NRG3: variants seen among roughly 807,000 people sequenced by gnomAD.
The protein encoded by NRG3 is neuregulin 3.
NRG3 carries 31 observed loss-of-function variants against 66.9 expected under a neutral mutation model. The observed-to-expected ratio is 0.46, with a 90% CI of 0.35 to 0.63. The LOEUF (loss-of-function observed/expected upper bound fraction) is 0.63. Among genes scored for constraint, NRG3 ranks in the 20% least tolerant of loss-of-function variants. NRG3 has a pLI of 0.00. For missense variants in NRG3, 910 were observed against 878.9 expected (o/e 1.04, Z -0.45); for synonymous variants, 393 against 359.4 (o/e 1.09, Z -1.06).
At chr10:82,425,757 T>C (rs1427128626) in intron 2 of NRG3, among the ~76,000 whole-genome samples, 2 of 152,180 alleles carry the variant, frequency 1.3e-5, no homozygotes, top group Non-Finnish European at 2.9e-5. Flanking sequence ...GTAGTTATGA[T>C]TTCAGACACT....
intron 3 of NRG3, among the ~76,000 whole-genome samples, chr10:82,864,605 C>A (rs1381609633): frequency 1.3e-5 from 2 of 152,118 alleles, no homozygotes; most frequent in African/African-American, 4.8e-5. Context: ...AAAAAAAGAA[C>A]CATTTAAATA....
At chr10:82,946,702 T>C (rs1790342573) in intron 4 of NRG3, among the ~76,000 whole-genome samples, 1 of 152,078 alleles carries the variant, frequency 6.6e-6, no homozygotes, top group South Asian at 2.1e-4. Context: ...GTATTATAAG[T>C]CAAATAGGAA....
intron 2 of NRG3, among the ~76,000 whole-genome samples, chr10:82,461,838 T>C (rs2091530694): frequency 6.6e-6 from 1 of 152,132 alleles, no homozygotes; most frequent in South Asian, 2.1e-4. Flanking sequence ...TATAAAAATA[T>C]TTTCATATTA....
chr10:82,390,455 G>A (rs906781605), intron 2 of NRG3, among the ~76,000 whole-genome samples: 1 of 152,098 alleles, frequency 6.6e-6, no homozygotes, highest in African/African-American at 2.4e-5. Flanking sequence ...TGAGGAAGAA[G>A]TATATTCTTT....
chr10:82,420,909 T>C (rs1373723330), intron 2 of NRG3, among the ~76,000 whole-genome samples: 2 of 152,152 alleles, frequency 1.3e-5, no homozygotes, highest in Non-Finnish European at 1.5e-5. Context: ...TTAAATACTT[T>C]GTAATTCCAT....
At position 82,508,232 on chromosome 10, in the gene NRG3, T is replaced by C. The variant is rs80155036; in HGVS notation, c.953+149364T>C. On this transcript the variant is annotated intron_variant, in intron 2 of 8. Coordinates refer to ENST00000372141, the MANE Select transcript of NRG3 (RefSeq NM_001010848.4). ...TCTGGCATGGAATGCATTGTTTTCA[T>C]ACATGCGTTTAGAACAGAAACTCAG... Among the ~76,000 whole-genome samples, 424 of 152,328 alleles carry C rather than the reference T, an allele frequency of 2.8e-3. 3 individuals are homozygous for C. Among genetic ancestry groups the C allele is most frequent in the African/African-American group, 9.5e-3 (394 of 41,578 alleles).
intron 1 of NRG3, among the ~76,000 whole-genome samples, chr10:82,300,743 G>A (rs1005366069): frequency 6.6e-6 from 1 of 152,054 alleles, no homozygotes; most frequent in Non-Finnish European, 1.5e-5. Context: ...ATTCCCAGTA[G>A]GTAGATTATG....
chr10:81,878,187 T>G, intron 1 of NRG3: 1 of 1,165,000 alleles, frequency 8.6e-7, no homozygotes, highest in South Asian at 1.7e-5. Context: ...GACAGGGCCC[T>G]CAGCCCCAAG....
intron 1 of NRG3, among the ~76,000 whole-genome samples, chr10:81,938,378 TTG>T (rs199882196): frequency 7.9e-6 from 1 of 126,364 alleles, no homozygotes; most frequent in Non-Finnish European, 1.6e-5. Context: ...TGCCATTTAT[TTG>T]TGTGTGTGTG....
At chr10:82,042,116 A>C (rs2063070339) in intron 1 of NRG3, among the ~76,000 whole-genome samples, 1 of 152,016 alleles carries the variant, frequency 6.6e-6, no homozygotes, top group African/African-American at 2.4e-5. Context: ...CCCCATCCAA[A>C]ATAATCTCAG....
chr10:82,235,564 C>T (rs559444849), intron 1 of NRG3, among the ~76,000 whole-genome samples: 2 of 152,224 alleles, frequency 1.3e-5, no homozygotes, highest in African/African-American at 4.8e-5. Context: ...AGTAATCTCC[C>T]ACTGCTCTTA....
At chr10:82,181,947 T>C (rs918493295) in intron 1 of NRG3, among the ~76,000 whole-genome samples, 4 of 151,838 alleles carry the variant, frequency 2.6e-5, no homozygotes, top group Admixed American at 1.3e-4. Context: ...ATTGTATACA[T>C]ATGTATTTAT....
chr10:82,036,982 C>G (rs2062819931), intron 1 of NRG3, among the ~76,000 whole-genome samples: 1 of 152,176 alleles, frequency 6.6e-6, no homozygotes. Context: ...TTATTAATCA[C>G]TGTATGAATT....
chr10:82,333,414 TG>T (rs2082237466), intron 1 of NRG3, among the ~76,000 whole-genome samples: 1 of 152,218 alleles, frequency 6.6e-6, no homozygotes, highest in South Asian at 2.1e-4. Flanking sequence ...GAGTTGCATG[TG>T]GGAAAATGGA....
At chr10:82,867,404 T>A (rs1840860497) in intron 4 of NRG3, among the ~76,000 whole-genome samples, 1 of 152,218 alleles carries the variant, frequency 6.6e-6, no homozygotes, top group African/African-American at 2.4e-5. Flanking sequence ...CTAAATTACA[T>A]GACTTCATTT....
chr10:82,804,020 C>T (rs1011475514), intron 3 of NRG3, among the ~76,000 whole-genome samples: 2 of 152,130 alleles, frequency 1.3e-5, no homozygotes, highest in African/African-American at 2.4e-5. Context: ...AGCACATCCG[C>T]GCCATCCGTG....
chr10:82,412,579 T>C (rs1242389729), intron 2 of NRG3, among the ~76,000 whole-genome samples: 1 of 152,134 alleles, frequency 6.6e-6, no homozygotes, highest in Non-Finnish European at 1.5e-5. Flanking sequence ...TTAGGGTGGC[T>C]TTGTCAGTTT....
At chr10:82,684,309 G>A (rs2054337026) in intron 2 of NRG3, among the ~76,000 whole-genome samples, 1 of 152,114 alleles carries the variant, frequency 6.6e-6, no homozygotes, top group Admixed American at 6.5e-5. Flanking sequence ...CAAAAGTGAT[G>A]GCAGTCTGCT....
chr10:81,995,339 T>C (rs1054511645), intron 1 of NRG3, among the ~76,000 whole-genome samples: 1 of 152,232 alleles, frequency 6.6e-6, no homozygotes, highest in Admixed American at 6.5e-5. Flanking sequence ...TTCTTGACTG[T>C]CCCTGCTTTC....
Sources: gnomAD v4.1 joint callset for allele counts (sites outside exome capture counted in the v4.1 genomes callset) on GRCh38, gnomAD v4.1.1 for gene constraint, MANE v1.5 for transcripts, NCBI Gene and HGNC (gene_info 2026-07-23, HGNC 2026-07-21) for gene names.